Variants in WWC2 observed in about 807,000 individuals in gnomAD.
WWC2 encodes protein WWC2.
Under a neutral mutation model 138.5 loss-of-function variants are expected in WWC2, and 101 were observed. That is an observed-to-expected ratio of 0.73 (90% CI 0.62 to 0.86). The LOEUF is 0.86. Ranked by LOEUF, WWC2 falls within the 40% of genes least tolerant of loss-of-function variation. The pLI is 0.00. For missense variants in WWC2, 1,420 were observed against 1,419.4 expected, an observed-to-expected ratio of 1.00 and a Z score of -0.01; for synonymous variants, 558 against 538.4, an observed-to-expected ratio of 1.04 and a Z score of -0.50.
chr4:183,307,508 A>G (rs1217762674), intron 21 of WWC2, among the ~76,000 whole-genome samples: 2 of 152,224 alleles, frequency 1.3e-5, no homozygotes, highest in Non-Finnish European at 2.9e-5. Flanking sequence ...ACAGCCCTAT[A>G]TCTCTTGTGA....
chr4:183,173,514 T>G (rs2111167959), intron 1 of WWC2, among the ~76,000 whole-genome samples: 1 of 152,204 alleles, frequency 6.6e-6, no homozygotes, highest in South Asian at 2.1e-4. Flanking sequence ...CTTTTGCGTT[T>G]GAGATAAGTA....
chr4:183,232,322 A>G (rs1012939141), intron 4 of WWC2, among the ~76,000 whole-genome samples: 2 of 152,134 alleles, frequency 1.3e-5, no homozygotes, highest in African/African-American at 4.8e-5. Context: ...ATGGATTTTA[A>G]TACATTCATA....
chr4:183,110,451 T>G (rs1732196192), intron 1 of WWC2, among the ~76,000 whole-genome samples: 1 of 135,030 alleles, frequency 7.4e-6, no homozygotes, highest in Non-Finnish European at 1.7e-5. Context: ...TTTTTTTTTT[T>G]GCTTTGTCAG....
chr4:183,104,084 C>T (rs891113401), intron 1 of WWC2, among the ~76,000 whole-genome samples: 9 of 151,788 alleles, frequency 5.9e-5, no homozygotes, highest in African/African-American at 1.4e-4. Flanking sequence ...CTCAGCCTCC[C>T]GAGTAGCTGG....
At chr4:183,204,834 C>T (rs1398560794) in intron 2 of WWC2, among the ~76,000 whole-genome samples, 1 of 152,164 alleles carries the variant, frequency 6.6e-6, no homozygotes, top group Admixed American at 6.5e-5. Flanking sequence ...TTTACTTTTG[C>T]CCGAATTTCA....
intron 9 of WWC2, among the ~76,000 whole-genome samples, chr4:183,256,548 A>C (rs748620965): frequency 6.6e-6 from 1 of 151,978 alleles, no homozygotes; most frequent in Non-Finnish European, 1.5e-5. Context: ...GGAGTTTAAG[A>C]GGGAAGAGAA....
At chr4:183,289,371 C>A in intron 20 of WWC2, 22 bp from the exon 21 acceptor site, 1 of 1,604,554 alleles carries the variant, frequency 6.2e-7, no homozygotes, top group South Asian at 1.1e-5. Flanking sequence ...GGGTGTTCGT[C>A]ATTCCGTTTC....
intron 1 of WWC2, among the ~76,000 whole-genome samples, chr4:183,185,159 G>C (rs1734752526): frequency 6.6e-6 from 1 of 152,156 alleles, no homozygotes; most frequent in South Asian, 2.1e-4. Context: ...AAACTTTGAG[G>C]GTGACCCCAA....
intron 4 of WWC2, among the ~76,000 whole-genome samples, chr4:183,221,038 G>T (rs1735921891): frequency 6.6e-6 from 1 of 152,090 alleles, no homozygotes; most frequent in Admixed American, 6.5e-5. Context: ...GTTAAAACAA[G>T]ACCCAATTTC....
At chr4:183,114,286 C>T (rs938692614) in intron 1 of WWC2, among the ~76,000 whole-genome samples, 2 of 152,150 alleles carry the variant, frequency 1.3e-5, no homozygotes, top group Non-Finnish European at 2.9e-5. Context: ...TTCCCAGGAG[C>T]TGAGCAGGTG....
chr4:183,130,269 G>T (rs1375070996), intron 1 of WWC2, among the ~76,000 whole-genome samples: 1 of 152,096 alleles, frequency 6.6e-6, no homozygotes, highest in Non-Finnish European at 1.5e-5. Flanking sequence ...AGCCAGGATG[G>T]TCTTGATCTC....
In WWC2 at chr4:183,221,011, C is replaced by T. The variant is rs191960215; in HGVS notation, c.522+11986C>T. 1.2e-4 allele frequency among the ~76,000 whole-genome samples: 19 copies of T among 152,118 alleles called. No individual in the cohort carries two copies. The East Asian group carries it at 3.3e-3, about 26-fold the overall frequency. ...TGGCCTAAATGCTCCAATTAAAAGG[C>T]AAAGATTATCAGAATGGTTAAAACA... On this transcript the variant is annotated intron_variant, in intron 4 of 22. Coordinates refer to ENST00000403733, the MANE Select transcript of WWC2 (RefSeq NM_024949.6).
At chr4:183,300,019 G>A (rs6811091) in intron 21 of WWC2, among the ~76,000 whole-genome samples, 49,757 of 151,966 alleles carry the variant, frequency 0.33, 8,595 homozygotes, top group Middle Eastern at 0.42. Context: ...AATCTTATTT[G>A]GTGTCCTCGT....
rs1277968792 is a variant in WWC2 at position 183,123,302 on chromosome 4, G to GTGC, written c.131+23682_131+23684dup. 2.0e-5 allele frequency among the ~76,000 whole-genome samples: 3 copies of GTGC among 152,088 alleles called. No individual in the cohort carries two copies. The East Asian group carries it at 5.8e-4, about 29-fold the overall frequency. ...ACAATTTTTATGGTTTAATTACAGA[G>GTGC]TGCTATACAGCTGTTAAAATAAATG... is the stretch of plus-strand genomic sequence containing the variant. On this transcript the variant is annotated intron_variant, in intron 1 of 22. Coordinates refer to ENST00000403733, the MANE Select transcript of WWC2 (RefSeq NM_024949.6).
intron 21 of WWC2, among the ~76,000 whole-genome samples, chr4:183,298,330 A>G (rs1403617451): frequency 2.0e-5 from 3 of 151,868 alleles, no homozygotes; most frequent in Admixed American, 6.6e-5. Context: ...GTTGAACCTC[A>G]TATACAAAAT....
chr4:183,141,276 C>G (rs1361203281), intron 1 of WWC2, among the ~76,000 whole-genome samples: 1 of 152,146 alleles, frequency 6.6e-6, no homozygotes, highest in African/African-American at 2.4e-5. Context: ...TGCCTTCTTG[C>G]TGTGTCCCCA....
rs764670745 is a variant in WWC2, at chr4:183,319,515, A to T, written c.*3786A>T. 9 of 1,539,670 alleles carry T rather than the reference A, an allele frequency of 5.8e-6. No individual in the cohort carries two copies. Among genetic ancestry groups the T allele is most frequent in the Non-Finnish European group, 7.9e-6 (9 of 1,142,656 alleles). ...GGACATCCTACCAAATCCAGTGTTG[A>T]GCAAGCGTCTCCTGAACAGCAGACG... On this transcript the variant is annotated 3_prime_UTR_variant, in exon 23 of 23. Coordinates refer to ENST00000403733, the MANE Select transcript of WWC2 (RefSeq NM_024949.6).
At chr4:183,248,923 GGATGGTGAACTGGA>G (rs1480286486) in intron 7 of WWC2, 63 bp downstream of exon 7, 1 of 1,413,584 alleles carries the variant, frequency 7.1e-7, no homozygotes, top group African/African-American at 1.4e-5. Context: ...ATTGCAATAT[GGATGGTGAACTGGA>G]ACCAGAAGTA....
At position 183,315,892 on chromosome 4, in the gene WWC2, G is replaced by A; in HGVS notation, c.*163G>A. On this transcript the variant is annotated 3_prime_UTR_variant, in exon 23 of 23. Transcript: ENST00000403733. ...CATCAGATTTTCAACACATTAATTT[G>A]TAAAGTACCTTGAGTGTAATTTTTA... is the stretch of plus-strand genomic sequence containing the variant. 1.8e-6 allele frequency: 1 copy of A among 558,970 alleles called. No individual in the cohort carries two copies. The highest frequency in any genetic ancestry group is 3.1e-6 in the Non-Finnish European group (1 of 317,636). 34.6% of individuals were successfully genotyped at this position (558,970 alleles called of 1,614,324 possible).
Sources: gnomAD v4.1 joint callset for allele counts (sites outside exome capture counted in the v4.1 genomes callset) on GRCh38, gnomAD v4.1.1 for gene constraint, MANE v1.5 for transcripts, NCBI Gene and HGNC (gene_info 2026-07-23, HGNC 2026-07-21) for gene names.